MBNL2: variants seen among roughly 807,000 people sequenced by gnomAD.
MBNL2 encodes the protein muscleblind like splicing regulator 2, also known as muscleblind-like protein 2.
In MBNL2, 17 loss-of-function variants were observed where a neutral mutation model predicts 41.9. The ratio of observed to expected loss-of-function variants is 0.41; its 90% CI spans 0.28 to 0.61. MBNL2 has a LOEUF of 0.61. Among genes scored for constraint, MBNL2 ranks in the 20% least tolerant of loss-of-function variants. The pLI is 0.35. For synonymous variants in MBNL2, 195 were observed against 182.9 expected (o/e 1.07, Z -0.53); for missense variants, 336 against 505.6 (o/e 0.66, Z 3.22).
At chr13:97,213,730 G>A in the MBNL2 span, among the ~76,000 whole-genome samples, 1 of 152,190 alleles carries the variant, frequency 6.6e-6, no homozygotes, top group African/African-American at 2.4e-5. Flanking sequence ...CTAATCAGAT[G>A]AGTGAACAAG....
the MBNL2 span, among the ~76,000 whole-genome samples, chr13:97,154,552 G>A: frequency 3.8e-4 from 58 of 152,254 alleles, no homozygotes; most frequent in Admixed American, 2.0e-3. Context: ...CTAGCCTGAA[G>A]GAATCTGCCT....
chr13:97,344,584 A>AT (rs1449455983), intron 4 of MBNL2, among the ~76,000 whole-genome samples: 1 of 152,206 alleles, frequency 6.6e-6, no homozygotes, highest in Non-Finnish European at 1.5e-5. Context: ...GAAGATATTT[A>AT]TTTTTTCACT....
At chr13:97,297,404 T>A (rs563573231) in intron 2 of MBNL2, among the ~76,000 whole-genome samples, 1 of 152,158 alleles carries the variant, frequency 6.6e-6, no homozygotes, top group Non-Finnish European at 1.5e-5. Context: ...GCATGAGCTC[T>A]GGAAACACCT....
In MBNL2 at chr13:97,384,667, C is replaced by T. The variant is rs369452624; in HGVS notation, c.1049-6655C>T. Among the ~76,000 whole-genome samples, 9 of 152,262 alleles carry T rather than the reference C, an allele frequency of 5.9e-5. No individual in the cohort carries two copies. The East Asian group carries it at 1.2e-3, about 20-fold the overall frequency. The stretch of plus-strand genomic sequence containing the variant: ...ACAGACTGGGAGGGTGAGCAACGTG[C>T]GAGCCTCCTTAGCTTAGCCCTATTT... On this transcript the variant is annotated intron_variant, in intron 8 of 8. Transcript: ENST00000679496.
intron 7 of MBNL2, among the ~76,000 whole-genome samples, chr13:97,364,924 G>A (rs1363302521): frequency 6.6e-6 from 1 of 152,200 alleles, no homozygotes; most frequent in East Asian, 1.9e-4. Flanking sequence ...GTGAACAGTG[G>A]TCTAAGGAGT....
At chr13:97,300,115 G>T (rs1023014553) in intron 2 of MBNL2, among the ~76,000 whole-genome samples, 1 of 152,144 alleles carries the variant, frequency 6.6e-6, no homozygotes, top group African/African-American at 2.4e-5. Flanking sequence ...AGAAAATGCG[G>T]GAGAGGACTA....
At chr13:97,329,976 AG>A (rs2060293888) in intron 2 of MBNL2, among the ~76,000 whole-genome samples, 1 of 152,060 alleles carries the variant, frequency 6.6e-6, no homozygotes, top group Admixed American at 6.6e-5. Flanking sequence ...ATTCCTTCTC[AG>A]CATTCTTCTC....
rs1011388408 is a variant in MBNL2 at position 97,296,862 on chromosome 13, C to T, written c.174+20453C>T. On this transcript the variant is annotated intron_variant, in intron 2 of 8. Coordinates refer to ENST00000679496, the MANE Select transcript of MBNL2 (RefSeq NM_001382683.1). Reference sequence around the variant, plus strand: ...TAGACAAGGTGTGATCAAGCTGACTCATTGCCATTTAAATAATAGTCCTAT... The same window carrying T: ...TAGACAAGGTGTGATCAAGCTGACTTATTGCCATTTAAATAATAGTCCTAT... Among the ~76,000 whole-genome samples the T allele has an allele frequency of 3.9e-5, 6 of 152,134 alleles. No individual in the cohort carries two copies. In the South Asian group the frequency reaches 1.2e-3, roughly 32 times the overall value.
chr13:97,304,882 A>G (rs543697573), intron 2 of MBNL2, among the ~76,000 whole-genome samples: 40 of 152,366 alleles, frequency 2.6e-4, no homozygotes, highest in African/African-American at 8.9e-4. Flanking sequence ...TGAGGGGAGA[A>G]AGTTGGAGGG....
the MBNL2 span, among the ~76,000 whole-genome samples, chr13:97,203,919 C>T: frequency 9.1e-3 from 1,340 of 147,800 alleles, 20 homozygotes; most frequent in African/African-American, 0.032. Context: ...GATGGATGGA[C>T]GGACGGATGA....
Position 97,222,452 on chromosome 13 carries a change from T to C in MBNL2, c.-684T>C, listed in dbSNP as rs1173357757. On this transcript the variant is annotated 5_prime_UTR_variant, in exon 1 of 9. Coordinates refer to ENST00000679496, the MANE Select transcript of MBNL2 (RefSeq NM_001382683.1). ...TGGAAGTTTCTTTCTCATGATGCGG[T>C]GGAGAAGCCTCGGCCACTTGGTTCT... 1 of 398,556 alleles carries C rather than the reference T, an allele frequency of 2.5e-6. No individual in the cohort carries two copies. The highest frequency in any genetic ancestry group is 2.1e-5 in the African/African-American group (1 of 48,636). The allele number at this position is 398,556 out of a possible 1,614,324, so 24.7% of individuals were successfully genotyped here.
intron 3 of MBNL2, among the ~76,000 whole-genome samples, chr13:97,338,437 A>G (rs1282508033): frequency 6.6e-6 from 1 of 152,194 alleles, no homozygotes; most frequent in African/African-American, 2.4e-5. Flanking sequence ...GCTTCAGTTC[A>G]ATCAATGTAC....
intron 2 of MBNL2, among the ~76,000 whole-genome samples, chr13:97,285,573 A>G (rs2054257651): frequency 6.6e-6 from 1 of 152,246 alleles, no homozygotes; most frequent in Non-Finnish European, 1.5e-5. Context: ...AATCTTGGCG[A>G]TCAATTAAAA....
chr13:97,175,293 C>A, the MBNL2 span, among the ~76,000 whole-genome samples: 1 of 152,192 alleles, frequency 6.6e-6, no homozygotes, highest in Non-Finnish European at 1.5e-5. Context: ...CCCACTCCTA[C>A]TTCTTCCCCG....
At chr13:97,350,195 C>T (rs1056688022) in intron 5 of MBNL2, among the ~76,000 whole-genome samples, 1 of 152,190 alleles carries the variant, frequency 6.6e-6, no homozygotes, top group African/African-American at 2.4e-5. Flanking sequence ...ACACTGTGGT[C>T]TATTAAATGT....
At position 97,257,457 on chromosome 13, in the gene MBNL2, T is replaced by C. The variant is rs188600569; in HGVS notation, c.-604-18175T>C. Among the ~76,000 whole-genome samples the C allele has an allele frequency of 1.8e-3, 279 of 152,302 alleles. 1 individual carries two copies. The highest frequency in any genetic ancestry group is 5.9e-3 in the African/African-American group (247 of 41,566). Reference sequence around the variant, plus strand: ...GGATATGTTTTTGAAAGAAATGCAATTGGCAGAAGGGAATGACGGAACTGC... The same window carrying C: ...GGATATGTTTTTGAAAGAAATGCAACTGGCAGAAGGGAATGACGGAACTGC... On this transcript the variant is annotated intron_variant, in intron 1 of 8. Coordinates refer to ENST00000679496, the MANE Select transcript of MBNL2 (RefSeq NM_001382683.1).
chr13:97,333,031 C>T (rs973070464), intron 2 of MBNL2, among the ~76,000 whole-genome samples: 4 of 152,118 alleles, frequency 2.6e-5, no homozygotes, highest in East Asian at 1.9e-4. Context: ...GCCAAAAGTG[C>T]GGATGAAATT....
At chr13:97,189,007 C>T in the MBNL2 span, among the ~76,000 whole-genome samples, 1 of 152,184 alleles carries the variant, frequency 6.6e-6, no homozygotes, top group Non-Finnish European at 1.5e-5. Context: ...TACATCCCTC[C>T]ATCTAGGGAG....
intron 2 of MBNL2, among the ~76,000 whole-genome samples, chr13:97,329,954 C>A (rs2060289515): frequency 6.6e-6 from 1 of 152,168 alleles, no homozygotes; most frequent in Non-Finnish European, 1.5e-5. Context: ...TCAATTCTGA[C>A]CCTCTCCCAC....
Sources: gnomAD v4.1 joint callset for allele counts (sites outside exome capture counted in the v4.1 genomes callset) on GRCh38, gnomAD v4.1.1 for gene constraint, MANE v1.5 for transcripts, NCBI Gene and HGNC (gene_info 2026-07-23, HGNC 2026-07-21) for gene names.